SEMA6D: variants seen among roughly 807,000 people sequenced by gnomAD.
SEMA6D encodes the protein semaphorin 6D.
In SEMA6D, 35 loss-of-function variants were observed where a neutral mutation model predicts 106.6. The observed-to-expected ratio is 0.33, with a 90% confidence interval of 0.25 to 0.44. SEMA6D has a LOEUF of 0.44. Ranked by LOEUF, SEMA6D falls within the 20% of genes least tolerant of loss-of-function variation. The pLI is 1.00. For missense variants in SEMA6D, 1,185 were observed against 1,345.9 expected, an observed-to-expected ratio of 0.88 and a Z score of 1.87; for synonymous variants, 499 against 487.7, an observed-to-expected ratio of 1.02 and a Z score of -0.31.
At chr15:47,744,541 C>T (rs1055924892) in intron 1 of SEMA6D, among the ~76,000 whole-genome samples, 1 of 152,116 alleles carries the variant, frequency 6.6e-6, no homozygotes, top group African/African-American at 2.4e-5. Context: ...ACTTAAAGGC[C>T]GTATTTCCCA....
chr15:47,557,396 C>G (rs945274219), intron 3 of SEMA6D, among the ~76,000 whole-genome samples: 4 of 152,182 alleles, frequency 2.6e-5, no homozygotes, highest in Admixed American at 6.5e-5. Context: ...TCTTAAACAT[C>G]AACACTTTCA....
chr15:47,530,192 A>T (rs1276343896), intron 3 of SEMA6D, among the ~76,000 whole-genome samples: 1 of 152,214 alleles, frequency 6.6e-6, no homozygotes, highest in Non-Finnish European at 1.5e-5. Flanking sequence ...GCTTTGACAG[A>T]TACATACCAC....
chr15:47,740,102 C>A (rs2080712644), intron 1 of SEMA6D, among the ~76,000 whole-genome samples: 1 of 152,194 alleles, frequency 6.6e-6, no homozygotes, highest in Non-Finnish European at 1.5e-5. Flanking sequence ...GGGTACTTAT[C>A]CTCCTGTGTG....
chr15:47,646,297 C>T (rs2077581576), intron 4 of SEMA6D, among the ~76,000 whole-genome samples: 1 of 152,148 alleles, frequency 6.6e-6, no homozygotes, highest in African/African-American at 2.4e-5. Flanking sequence ...AGCCGTATGC[C>T]AGGAAACTTA....
intron 3 of SEMA6D, among the ~76,000 whole-genome samples, chr15:47,598,599 A>G (rs1442436052): frequency 1.3e-5 from 2 of 152,146 alleles, no homozygotes; most frequent in Non-Finnish European, 2.9e-5. Flanking sequence ...ATCTCTCTGC[A>G]TAAAAGCGTC....
chr15:47,515,651 G>A (rs139060863), intron 3 of SEMA6D, among the ~76,000 whole-genome samples: 17 of 152,292 alleles, frequency 1.1e-4, no homozygotes, highest in African/African-American at 4.1e-4. Flanking sequence ...CCTGGAGGCA[G>A]CCTTCAGCAA....
intron 1 of SEMA6D, among the ~76,000 whole-genome samples, chr15:47,345,775 T>TCTAAGG (rs1452825166): frequency 1.3e-5 from 2 of 152,162 alleles, no homozygotes; most frequent in African/African-American, 4.8e-5. Flanking sequence ...CACAAACATA[T>TCTAAGG]CTAAGGAAAT....
At chr15:47,313,921 T>C (rs2036539717) in intron 1 of SEMA6D, among the ~76,000 whole-genome samples, 1 of 152,228 alleles carries the variant, frequency 6.6e-6, no homozygotes, top group African/African-American at 2.4e-5. Context: ...GGTTTATGTG[T>C]AGACTTAAGT....
At chr15:47,373,609 A>T (rs1315087788) in intron 1 of SEMA6D, among the ~76,000 whole-genome samples, 1 of 152,164 alleles carries the variant, frequency 6.6e-6, no homozygotes, top group African/African-American at 2.4e-5. Context: ...ATACACATTG[A>T]ATTTACCTTT....
chr15:47,202,559 G>A (rs1166429615), intron 1 of SEMA6D, among the ~76,000 whole-genome samples: 1 of 152,142 alleles, frequency 6.6e-6, no homozygotes, highest in East Asian at 1.9e-4. Flanking sequence ...AATCAGGGGA[G>A]AAGAGATGCA....
In SEMA6D at chr15:47,766,658, T is replaced by C. The variant is rs747571001; in HGVS notation, c.1689T>C (p.Ala563=). 1.2e-6 allele frequency: 2 copies of C among 1,611,244 alleles called. No individual in the cohort carries two copies. The highest frequency in any genetic ancestry group is 1.7e-6 in the Non-Finnish European group (2 of 1,177,784). Residue 563 remains alanine (A), a synonymous_variant, in exon 16 of 19, where the codon GCT becomes GCC. Transcript: ENST00000536845. Reference sequence around the variant, plus strand: ...AAGACACAGAATTCGGCAACACAGCTCATCTAGGGGACTGCCATGGTAAGA... The same window carrying C: ...AAGACACAGAATTCGGCAACACAGCCCATCTAGGGGACTGCCATGGTAAGA... The part of the protein sequence containing the change: ...YEQDTEFGNT[A]HLGDCHEILP...
chr15:47,637,763 G>A (rs894488523), intron 4 of SEMA6D, among the ~76,000 whole-genome samples: 1 of 152,126 alleles, frequency 6.6e-6, no homozygotes, highest in Non-Finnish European at 1.5e-5. Flanking sequence ...TCTGCTAAGG[G>A]TCTCCCACTC....
chr15:47,661,398 T>C (rs1029942505), intron 4 of SEMA6D, among the ~76,000 whole-genome samples: 2 of 152,238 alleles, frequency 1.3e-5, no homozygotes, highest in African/African-American at 4.8e-5. Context: ...ATTTTAGAAT[T>C]AAGATTTCTA....
intron 2 of SEMA6D, among the ~76,000 whole-genome samples, chr15:47,462,584 C>A (rs1393332176): frequency 6.6e-6 from 1 of 152,048 alleles, no homozygotes; most frequent in African/African-American, 2.4e-5. Context: ...GAGATTAAAT[C>A]GTTGACTGTA....
intron 2 of SEMA6D, among the ~76,000 whole-genome samples, chr15:47,437,570 G>A (rs2041759479): frequency 6.6e-6 from 1 of 152,024 alleles, no homozygotes; most frequent in African/African-American, 2.4e-5. Context: ...ATTAGCAAAG[G>A]AATTAAGCAG....
At chr15:47,554,988 C>T (rs1000348175) in intron 3 of SEMA6D, among the ~76,000 whole-genome samples, 3 of 152,212 alleles carry the variant, frequency 2.0e-5, no homozygotes, top group East Asian at 1.9e-4. Context: ...CTTTGCATGC[C>T]GTAAGTAGGC....
intron 1 of SEMA6D, among the ~76,000 whole-genome samples, chr15:47,215,306 G>C (rs1201684540): frequency 1.3e-5 from 2 of 151,822 alleles, no homozygotes; most frequent in Admixed American, 6.6e-5. Flanking sequence ...CCAGGTTATA[G>C]TTGCCCTTGA....
chr15:47,747,781 A>G (rs918322241), intron 1 of SEMA6D, among the ~76,000 whole-genome samples: 1 of 152,184 alleles, frequency 6.6e-6, no homozygotes, highest in African/African-American at 2.4e-5. Flanking sequence ...TGGTTATGGT[A>G]TGTTCTATCA....
chr15:47,323,071 A>G (rs1344974610), intron 1 of SEMA6D, among the ~76,000 whole-genome samples: 1 of 152,210 alleles, frequency 6.6e-6, no homozygotes, highest in Admixed American at 6.5e-5. Context: ...CTAGACTATT[A>G]TAGCTGATAA....
Sources: gnomAD v4.1 joint callset for allele counts (sites outside exome capture counted in the v4.1 genomes callset) on GRCh38, gnomAD v4.1.1 for gene constraint, MANE v1.5 for transcripts, NCBI Gene and HGNC (gene_info 2026-07-23, HGNC 2026-07-21) for gene names.